Variants in GRIK4 observed in about 807,000 individuals in gnomAD.
GRIK4 encodes the protein glutamate ionotropic receptor kainate type subunit 4, also known as glutamate receptor ionotropic, kainate 4.
In GRIK4, 40 loss-of-function variants were observed where a neutral mutation model predicts 104.9. The observed-to-expected ratio is 0.38, with a 90% CI of 0.30 to 0.50. The LOEUF (loss-of-function observed/expected upper bound fraction) is 0.50, where lower values mean the gene tolerates loss of function less well. GRIK4 is among the 20% of genes least tolerant of loss of function. The pLI is 0.93. For synonymous variants in GRIK4, 485 were observed against 524.9 expected (o/e 0.92, Z 1.04); for missense variants, 1,047 against 1,308.1 (o/e 0.80, Z 3.08).
At position 120,772,809 on chromosome 11, in the gene GRIK4, CT is replaced by C. The variant is rs909654643; in HGVS notation, c.83-29882del. On this transcript the variant is annotated intron_variant, in intron 3 of 20. Coordinates refer to ENST00000527524, the MANE Select transcript of GRIK4 (RefSeq NM_014619.5). ...GGCCTTACACAGGGGAGGGATACCT[CT>C]TCCCTGGGACAGAAGGGAAAGTGGG... Among the ~76,000 whole-genome samples, 327 of 152,030 alleles carry C rather than the reference CT, an allele frequency of 2.2e-3. 3 individuals carry two copies. Among genetic ancestry groups the C allele is most frequent in the Admixed American group, 0.02 (310 of 15,266 alleles).
At chr11:120,916,921 A>C (rs370091305) in intron 13 of GRIK4, among the ~76,000 whole-genome samples, 1 of 152,170 alleles carries the variant, frequency 6.6e-6, no homozygotes, top group African/African-American at 2.4e-5. Context: ...TGCTTCCTTC[A>C]GCAGGTTTGC....
chr11:120,515,081 C>A (rs1020217523), intron 1 of GRIK4: 8 of 455,588 alleles, frequency 1.8e-5, no homozygotes, highest in Non-Finnish European at 3.1e-5. Context: ...CACGCTGACC[C>A]CAACTTTATG....
intron 3 of GRIK4, among the ~76,000 whole-genome samples, chr11:120,733,321 G>A (rs1250891299): frequency 1.3e-5 from 2 of 151,970 alleles, no homozygotes; most frequent in Non-Finnish European, 2.9e-5. Context: ...TATATTCAAT[G>A]TTATTATTGA....
intron 6 of GRIK4, among the ~76,000 whole-genome samples, chr11:120,830,117 C>G (rs1953381445): frequency 6.6e-6 from 1 of 151,942 alleles, no homozygotes; most frequent in Non-Finnish European, 1.5e-5. Context: ...GTTGGCAGCA[C>G]CTTCCCAGAG....
In GRIK4 at chr11:120,896,835, C is replaced by T. The variant is rs1238680215; in HGVS notation, c.1165-1697C>T. 3.9e-5 allele frequency among the ~76,000 whole-genome samples: 6 copies of T among 152,342 alleles called. No individual in the cohort carries two copies. The East Asian group carries it at 1.2e-3, about 29-fold the overall frequency. On this transcript the variant is annotated intron_variant, in intron 11 of 20. Transcript: ENST00000527524. Reference sequence around the variant, plus strand: ...TGTGGGTCTTCCAGGGAAGCTGCTGCTACTGCCTGCAGAAGCCTGGCAGAG... The same window carrying T: ...TGTGGGTCTTCCAGGGAAGCTGCTGTTACTGCCTGCAGAAGCCTGGCAGAG...
intron 6 of GRIK4, among the ~76,000 whole-genome samples, chr11:120,828,105 G>C (rs1238469764): frequency 6.6e-6 from 1 of 152,062 alleles, no homozygotes; most frequent in Non-Finnish European, 1.5e-5. Context: ...CCCCTGACTT[G>C]TTAGGATTTA....
intron 1 of GRIK4, among the ~76,000 whole-genome samples, chr11:120,517,567 G>T (rs1354123442): frequency 2.0e-5 from 3 of 150,316 alleles, no homozygotes; most frequent in Non-Finnish European, 4.4e-5. Flanking sequence ...GCTGTGCTAC[G>T]CTGCGGGGTG....
rs11217986 is a variant in GRIK4 at position 120,706,001 on chromosome 11, C to T, written c.82+45601C>T. Among the ~76,000 whole-genome samples the T allele has an allele frequency of 7.0e-3, 1,062 of 152,250 alleles. 17 individuals are homozygous for T. The highest frequency in any genetic ancestry group is 0.024 in the African/African-American group (977 of 41,536). On this transcript the variant is annotated intron_variant, in intron 3 of 20. Transcript: ENST00000527524. ...GTGAGGCTTCCAGGACATTCCACTC[C>T]GGCATATCACCCTAAACACTAGAAG...
At chr11:120,920,289 G>A (rs1030464420) in intron 13 of GRIK4, among the ~76,000 whole-genome samples, 2 of 152,044 alleles carry the variant, frequency 1.3e-5, no homozygotes, top group East Asian at 1.9e-4. Context: ...GTGAGTGTTC[G>A]CTCTCTCCTC....
intron 20 of GRIK4, among the ~76,000 whole-genome samples, chr11:120,983,127 C>T (rs895301860): frequency 3.9e-5 from 6 of 152,208 alleles, no homozygotes; most frequent in Non-Finnish European, 8.8e-5. Context: ...ATACCCCAGT[C>T]CTCCTGCTGT....
intron 1 of GRIK4, among the ~76,000 whole-genome samples, chr11:120,522,642 C>T (rs568539841): frequency 1.6e-4 from 25 of 152,278 alleles, no homozygotes; most frequent in Non-Finnish European, 3.2e-4. Flanking sequence ...TTGTTCTGCA[C>T]CCTCCTTGGA....
In GRIK4 at chr11:120,753,699, T is replaced by TGCCG. The variant is rs575257199; in HGVS notation, c.83-48990_83-48987dup. ...GGGGGAGACAACAGGTAAGAGATGA[T>TGCCG]GCCGGCCCTTGTCTTTCAAAATTAG... On this transcript the variant is annotated intron_variant, in intron 3 of 20. Transcript: ENST00000527524. Among the ~76,000 whole-genome samples, 109 of 152,274 alleles carry TGCCG rather than the reference T, an allele frequency of 7.2e-4. 1 individual carries two copies. The highest frequency in any genetic ancestry group is 2.4e-3 in the African/African-American group (101 of 41,566).
At position 120,871,660 on chromosome 11, in the gene GRIK4, G is replaced by A. The variant is rs142968509; in HGVS notation, c.907-2406G>A. Reference sequence around the variant, plus strand: ...GGAGGCAGGAGACTCGACGGAGGCCGAGGGCAGTGGCCTGATCCAGTATCT... The same window carrying A: ...GGAGGCAGGAGACTCGACGGAGGCCAAGGGCAGTGGCCTGATCCAGTATCT... On this transcript the variant is annotated intron_variant, in intron 9 of 20. Coordinates refer to ENST00000527524, the MANE Select transcript of GRIK4 (RefSeq NM_014619.5). 9.6e-4 allele frequency: 438 copies of A among 456,382 alleles called. 1 individual carries two copies. Among genetic ancestry groups the A allele is most frequent in the African/African-American group, 7.1e-3 (357 of 50,170 alleles). The allele number at this position is 456,382 out of a possible 1,614,324, so 28.3% of individuals were successfully genotyped here.
At chr11:120,983,456 AATCTACTG>A (rs1454485425) in intron 20 of GRIK4, among the ~76,000 whole-genome samples, 1 of 152,164 alleles carries the variant, frequency 6.6e-6, no homozygotes, top group Admixed American at 6.5e-5. Context: ...AACCAAAGAG[AATCTACTG>A]GGCCTTATTG....
chr11:120,704,704 G>A (rs1950601868), intron 3 of GRIK4, among the ~76,000 whole-genome samples: 1 of 152,028 alleles, frequency 6.6e-6, no homozygotes, highest in South Asian at 2.1e-4. Context: ...TGGGGCATGG[G>A]AAGCAATATT....
At chr11:120,589,987 A>G (rs1186860455) in intron 1 of GRIK4, among the ~76,000 whole-genome samples, 1 of 152,224 alleles carries the variant, frequency 6.6e-6, no homozygotes, top group African/African-American at 2.4e-5. Context: ...AAAGAGAGGC[A>G]GAGGCAGCTT....
intron 13 of GRIK4, among the ~76,000 whole-genome samples, chr11:120,927,762 G>A (rs893193735): frequency 9.2e-5 from 14 of 152,238 alleles, no homozygotes; most frequent in African/African-American, 3.1e-4. Flanking sequence ...CACACTTCCA[G>A]CTCTTGTTAT....
Position 120,905,197 on chromosome 11 carries a change from TC to T in GRIK4, c.1273-89del, listed in dbSNP as rs1942838778. 7 of 899,568 alleles carry T rather than the reference TC, an allele frequency of 7.8e-6. No homozygotes were observed. Among genetic ancestry groups the T allele is most frequent in the African/African-American group, 1.6e-5 (1 of 61,202 alleles). The allele number at this position is 899,568 out of a possible 1,614,324, so 55.7% of individuals were successfully genotyped here. On this transcript the variant is annotated intron_variant, in intron 12 of 20. Transcript: ENST00000527524. The surrounding 1 kb of genome is among the most constrained non-coding windows in gnomAD (Gnocchi z 5.1). ...AGTTTCCTCCTTCTGCCCCATGTCC[TC>T]CCCGACCCTCTGTGCCCCTGGCCCT...
chr11:120,556,143 T>C (rs1461223229), intron 1 of GRIK4, among the ~76,000 whole-genome samples: 1 of 151,820 alleles, frequency 6.6e-6, no homozygotes, highest in Non-Finnish European at 1.5e-5. Context: ...TGGCGGGGAG[T>C]GCTGGTAAGC....
Sources: allele counts gnomAD v4.1 joint callset (sites outside exome capture counted in the v4.1 genomes callset), GRCh38; gene constraint gnomAD v4.1.1; non-coding constraint Gnocchi (gnomAD v3.1); transcripts MANE v1.5; gene names NCBI Gene and HGNC (gene_info 2026-07-23, HGNC 2026-07-21).